Variants in TENM3 observed in about 807,000 individuals in gnomAD.
TENM3 encodes teneurin-3.
Under a neutral mutation model 255.1 loss-of-function variants are expected in TENM3, and 63 were observed. That is an observed-to-expected ratio of 0.25 (90% CI 0.20 to 0.30). The LOEUF (loss-of-function observed/expected upper bound fraction) is 0.30. Ranked by LOEUF, TENM3 falls within the 10% of genes least tolerant of loss-of-function variation. TENM3 has a pLI of 1.00. For missense variants in TENM3, 2,929 were observed against 3,461.1 expected (o/e 0.85, Z 3.86); for synonymous variants, 1,306 against 1,322.3 (o/e 0.99, Z 0.27).
chr4:181,929,429 C>T, the TENM3 span, among the ~76,000 whole-genome samples: 2 of 150,732 alleles, frequency 1.3e-5, no homozygotes, highest in Non-Finnish European at 2.9e-5. Flanking sequence ...TCAGAAAAGA[C>T]AAAGAAGGGC....
At chr4:182,581,050 G>C (rs924996105) in intron 3 of TENM3, among the ~76,000 whole-genome samples, 1 of 152,058 alleles carries the variant, frequency 6.6e-6, no homozygotes, top group African/African-American at 2.4e-5. Context: ...GCAGATTATT[G>C]AACATGTTAA....
At chr4:182,730,436 A>T in intron 15 of TENM3, 117 bp downstream of exon 15, 2 of 1,132,420 alleles carry the variant, frequency 1.8e-6, no homozygotes, top group Non-Finnish European at 2.5e-6. Context: ...AACTTTTTAG[A>T]CTCTACAAAC....
the TENM3 span, among the ~76,000 whole-genome samples, chr4:181,883,631 C>T: frequency 2.0e-5 from 3 of 152,028 alleles, no homozygotes; most frequent in African/African-American, 4.8e-5. Flanking sequence ...CCCGCCACCA[C>T]GCCTGGCTAA....
the TENM3 span, among the ~76,000 whole-genome samples, chr4:181,800,706 T>G: frequency 6.6e-6 from 1 of 152,218 alleles, no homozygotes; most frequent in African/African-American, 2.4e-5. Flanking sequence ...GCTTGACTCT[T>G]GTCCCTCACT....
At chr4:182,791,797 G>C (rs1766121453) in intron 25 of TENM3, among the ~76,000 whole-genome samples, 1 of 151,938 alleles carries the variant, frequency 6.6e-6, no homozygotes, top group Non-Finnish European at 1.5e-5. Context: ...TGACTGCTTT[G>C]CCCCTCCCCC....
upstream of TENM3, chr4:182,142,906 C>T (rs531488643): frequency 6.0e-6 from 1 of 167,044 alleles, no homozygotes; most frequent in South Asian, 2.1e-4. Context: ...GAGAGCGGTT[C>T]GGCTCAGGTC....
chr4:182,393,231 G>T (rs1221157549), intron 3 of TENM3, among the ~76,000 whole-genome samples: 1 of 152,148 alleles, frequency 6.6e-6, no homozygotes, highest in Non-Finnish European at 1.5e-5. Flanking sequence ...GAAAAACAGT[G>T]TTTAGTTCAA....
intron 3 of TENM3, among the ~76,000 whole-genome samples, chr4:182,368,002 G>A (rs1267169118): frequency 6.6e-6 from 1 of 152,140 alleles, no homozygotes; most frequent in Non-Finnish European, 1.5e-5. Context: ...TCATATACCT[G>A]TACTCCAATA....
rs113836588 is a variant in TENM3, at chr4:182,796,490, G to T, written c.7214-147G>T. 4 of 738,428 alleles carry T rather than the reference G, an allele frequency of 5.4e-6. No homozygotes were observed. The Admixed American group carries it at 1.3e-4, about 24-fold the overall frequency. 45.7% of individuals were successfully genotyped at this position (738,428 alleles called of 1,614,324 possible). ...CCGTCTTCATGTCTAAAAACAGTAG[G>T]TTTAGATTTGTAGGACGAAAGCAAA... On this transcript the variant is annotated intron_variant, in intron 26 of 27. Coordinates refer to ENST00000511685, the MANE Select transcript of TENM3 (RefSeq NM_001080477.4).
At chr4:182,160,327 G>A (rs967254634) in intron 1 of TENM3, among the ~76,000 whole-genome samples, 1 of 152,134 alleles carries the variant, frequency 6.6e-6, no homozygotes, top group African/African-American at 2.4e-5. Context: ...TTAAAAAAAT[G>A]AAAATAAATG....
At chr4:182,120,827 T>G in the TENM3 span, among the ~76,000 whole-genome samples, 124 of 152,040 alleles carry the variant, frequency 8.2e-4, 1 homozygote, top group Non-Finnish European at 1.6e-3. Context: ...TGAGGTGTTA[T>G]AAAAATGGAG....
At chr4:182,630,723 G>A (rs1032790238) in intron 5 of TENM3, among the ~76,000 whole-genome samples, 9 of 151,534 alleles carry the variant, frequency 5.9e-5, no homozygotes, top group African/African-American at 2.2e-4. Flanking sequence ...AAAAGAATAT[G>A]TGTTTGTTGG....
At chr4:182,432,389 C>G (rs1409917379) in intron 3 of TENM3, among the ~76,000 whole-genome samples, 1 of 152,134 alleles carries the variant, frequency 6.6e-6, no homozygotes, top group African/African-American at 2.4e-5. Flanking sequence ...GGATTGTAGT[C>G]AGGTTAAATG....
chr4:181,772,278 T>TGAGGCGGGAGAATTGCTTG, the TENM3 span, among the ~76,000 whole-genome samples: 1 of 151,914 alleles, frequency 6.6e-6, no homozygotes, highest in Non-Finnish European at 1.5e-5. Flanking sequence ...CTTGGGAGGC[T>TGAGGCGGGAGAATTGCTTG]GAGGCGGGAG....
rs779483743 is a variant in TENM3, at chr4:182,730,322, GAGTT to G, written c.2705+7_2705+10del. ...ACTATTACCCGCCAGGACGGAATGT[GAGTT>G]AGTCCCATCACACTATCTCTGAAGG... is the stretch of plus-strand genomic sequence containing the variant. On this transcript the variant is annotated splice_donor_5th_base_variant and intron_variant, in intron 15 of 27. Transcript: ENST00000511685. 1 of 1,613,268 alleles carries G rather than the reference GAGTT, an allele frequency of 6.2e-7. No individual in the cohort carries two copies. Among genetic ancestry groups the G allele is most frequent in the African/African-American group, 1.3e-5 (1 of 74,904 alleles).
At chr4:181,709,547 G>C in the TENM3 span, among the ~76,000 whole-genome samples, 2 of 152,236 alleles carry the variant, frequency 1.3e-5, no homozygotes, top group Admixed American at 1.3e-4. Flanking sequence ...CCAGGCTGAG[G>C]GACTGCAAGT....
the TENM3 span, among the ~76,000 whole-genome samples, chr4:182,096,191 A>G: frequency 2.0e-5 from 3 of 152,138 alleles, no homozygotes; most frequent in African/African-American, 7.2e-5. Flanking sequence ...CAAAGAAGCT[A>G]TCAATCACTG....
At chr4:182,046,641 G>A in the TENM3 span, among the ~76,000 whole-genome samples, 5 of 152,048 alleles carry the variant, frequency 3.3e-5, 1 homozygote, top group African/African-American at 9.6e-5. Flanking sequence ...GAGGCAGGAG[G>A]ATTGCTTGAG....
At chr4:182,068,459 A>G in the TENM3 span, among the ~76,000 whole-genome samples, 1 of 152,086 alleles carries the variant, frequency 6.6e-6, no homozygotes, top group Admixed American at 6.5e-5. Flanking sequence ...CTACATTGCT[A>G]CTACTAAGCA....
Sources: gnomAD v4.1 joint callset for allele counts (sites outside exome capture counted in the v4.1 genomes callset) on GRCh38, gnomAD v4.1.1 for gene constraint, MANE v1.5 for transcripts, NCBI Gene and HGNC (gene_info 2026-07-23, HGNC 2026-07-21) for gene names.